NRG1: variants seen among roughly 807,000 people sequenced by gnomAD.
The protein encoded by NRG1 is pro-neuregulin-1, membrane-bound isoform.
In NRG1, 18 loss-of-function variants were observed where a neutral mutation model predicts 63.8. The ratio of observed to expected loss-of-function variants is 0.28; its 90% CI spans 0.19 to 0.42. NRG1 has a LOEUF of 0.42. NRG1 is among the 10% of genes least tolerant of loss of function. The probability of loss-of-function intolerance (pLI) is 1.00; values close to 1 mark genes in which losing one functional copy is unlikely to be tolerated. For missense variants in NRG1, 762 were observed against 814.7 expected, an observed-to-expected ratio of 0.94 and a Z score of 0.79; for synonymous variants, 302 against 301.3, an observed-to-expected ratio of 1.00 and a Z score of -0.02.
intron 1 of NRG1, among the ~76,000 whole-genome samples, chr8:31,843,472 G>C (rs1563471227): frequency 6.6e-6 from 1 of 152,114 alleles, no homozygotes. Flanking sequence ...TCTCCTATAA[G>C]GCTGTCTTTT....
intron 1 of NRG1, among the ~76,000 whole-genome samples, chr8:32,368,947 C>T (rs1267081446): frequency 6.6e-6 from 1 of 152,200 alleles, no homozygotes; most frequent in African/African-American, 2.4e-5. Context: ...TCTCTATACA[C>T]CTGTAACATG....
In NRG1 at chr8:32,699,285, C is replaced by CT. The variant is rs528877541; in HGVS notation, c.503-28662dup. ...AATTAAGTAATCATTAAAAATGAAACTTGTCTACTTCCTCCTGTTCTGTAG... is the reference window on the plus strand; with the variant it reads ...AATTAAGTAATCATTAAAAATGAAACTTTGTCTACTTCCTCCTGTTCTGTAG... On this transcript the variant is annotated intron_variant, in intron 5 of 11. Coordinates refer to ENST00000356819, the Ensembl canonical transcript of NRG1. Among the ~76,000 whole-genome samples, 205 of 152,274 alleles carry CT rather than the reference C, an allele frequency of 1.3e-3. 1 individual carries two copies. The highest frequency in any genetic ancestry group is 4.7e-3 in the African/African-American group (195 of 41,538).
intron 1 of NRG1, among the ~76,000 whole-genome samples, chr8:32,065,140 A>C (rs1249984642): frequency 2.6e-5 from 4 of 151,934 alleles, no homozygotes; most frequent in African/African-American, 9.7e-5. Flanking sequence ...TACAGAAAAA[A>C]AAAAAGTGCT....
chr8:32,444,387 A>C (rs1819974350), intron 1 of NRG1, among the ~76,000 whole-genome samples: 1 of 152,116 alleles, frequency 6.6e-6, no homozygotes, highest in Non-Finnish European at 1.5e-5. Context: ...CAGTCCTCCC[A>C]CTGCAACCTC....
Position 31,640,468 on chromosome 8 carries a change from G to A in NRG1, c.37+1037G>A. 1 of 1,596,626 alleles carries A rather than the reference G, an allele frequency of 6.3e-7. No homozygotes were observed. Among genetic ancestry groups the A allele is most frequent in the Non-Finnish European group, 8.5e-7 (1 of 1,173,044 alleles). On this transcript the variant is annotated intron_variant, in intron 1 of 10. Coordinates refer to the NRG1 transcript ENST00000519301. The surrounding 1 kb of genome is among the most constrained non-coding windows in gnomAD (Gnocchi z 6.3). Reference sequence around the variant, plus strand: ...GCCCGGGGAGGAGGCGCCCTATCTGGTGAAGGTGCACCAGGTGTGGGCGGT... The same window carrying A: ...GCCCGGGGAGGAGGCGCCCTATCTGATGAAGGTGCACCAGGTGTGGGCGGT...
chr8:31,790,612 T>C (rs930710958), intron 1 of NRG1, among the ~76,000 whole-genome samples: 1 of 152,224 alleles, frequency 6.6e-6, no homozygotes, highest in African/African-American at 2.4e-5. Context: ...TCTGTAGCTC[T>C]GTTAGGAGGG....
intron 1 of NRG1, among the ~76,000 whole-genome samples, chr8:31,855,143 C>G (rs1827715800): frequency 6.6e-6 from 1 of 152,030 alleles, no homozygotes; most frequent in South Asian, 2.1e-4. Context: ...TGGTGCAGAG[C>G]TGAGTTCAAT....
At chr8:31,644,382 G>A (rs909131713) in intron 1 of NRG1, among the ~76,000 whole-genome samples, 1 of 152,150 alleles carries the variant, frequency 6.6e-6, no homozygotes, top group African/African-American at 2.4e-5. Context: ...GGTCATTTGG[G>A]AGAAGAACTC....
chr8:32,647,374 G>A (rs1853831597), intron 5 of NRG1: 1 of 985,168 alleles, frequency 1.0e-6, no homozygotes, highest in South Asian at 4.7e-5. Context: ...TTCAGTTTGG[G>A]CTACTGGTTT....
chr8:31,956,693 T>G (rs1378069161), intron 1 of NRG1, among the ~76,000 whole-genome samples: 1 of 152,238 alleles, frequency 6.6e-6, no homozygotes, highest in African/African-American at 2.4e-5. Context: ...CAAATATTTT[T>G]CATATAACAT....
At chr8:32,043,406 A>G (rs1820409628) in intron 1 of NRG1, among the ~76,000 whole-genome samples, 1 of 152,168 alleles carries the variant, frequency 6.6e-6, no homozygotes, top group Non-Finnish European at 1.5e-5. Flanking sequence ...ATAAGACAAA[A>G]CAAAACAAAA....
chr8:32,450,199 C>T (rs1156993099), intron 1 of NRG1, among the ~76,000 whole-genome samples: 1 of 152,140 alleles, frequency 6.6e-6, no homozygotes, highest in Admixed American at 6.5e-5. Flanking sequence ...TTACATATTT[C>T]ATCTCCTTTA....
chr8:31,787,544 G>A (rs1234366949), intron 1 of NRG1, among the ~76,000 whole-genome samples: 1 of 152,136 alleles, frequency 6.6e-6, no homozygotes, highest in Non-Finnish European at 1.5e-5. Context: ...AATGAGTTTG[G>A]CAAACCTAGA....
At chr8:32,094,913 ATTT>A (rs35516200) in intron 1 of NRG1, among the ~76,000 whole-genome samples, 16 of 133,276 alleles carry the variant, frequency 1.2e-4, no homozygotes, top group Admixed American at 2.2e-4. Flanking sequence ...TAATTTCAGC[ATTT>A]TTTTTTTTTT....
At chr8:32,603,546 C>T (rs1844734703) in intron 2 of NRG1, among the ~76,000 whole-genome samples, 1 of 151,896 alleles carries the variant, frequency 6.6e-6, no homozygotes, top group Non-Finnish European at 1.5e-5. Flanking sequence ...GGTGTGGTCT[C>T]GGCTCACTGC....
rs763153871 is a variant in NRG1, at chr8:31,640,432, A to G, written c.37+1001A>G. 6.6e-7 allele frequency: 1 copy of G among 1,512,944 alleles called. No individual in the cohort carries two copies. The highest frequency in any genetic ancestry group is 8.8e-7 in the Non-Finnish European group (1 of 1,130,258). 93.7% of individuals were successfully genotyped at this position (1,512,944 alleles called of 1,614,324 possible). A position where few individuals can be genotyped will look rare whatever the true frequency, so the allele number is the denominator to read the frequency against. Reference sequence around the variant, plus strand: ...CTCTTGGCCCACCGCCCCGGTGCCCAGCGCCGGCGAGCCCGGGGAGGAGGC... The same window carrying G: ...CTCTTGGCCCACCGCCCCGGTGCCCGGCGCCGGCGAGCCCGGGGAGGAGGC... On this transcript the variant is annotated intron_variant, in intron 1 of 10. Coordinates refer to the NRG1 transcript ENST00000519301. This position sits in a 1 kb window ranked among gnomAD's most constrained non-coding sequence, Gnocchi z 6.3.
chr8:31,914,255 G>T (rs1456076454), intron 1 of NRG1, among the ~76,000 whole-genome samples: 2 of 151,554 alleles, frequency 1.3e-5, no homozygotes, highest in Non-Finnish European at 2.9e-5. Flanking sequence ...GCCTTAAAAC[G>T]CAAAGCATCA....
chr8:31,920,227 CTTGTACTGTTAG>C (rs1174550941), intron 1 of NRG1, among the ~76,000 whole-genome samples: 1 of 152,044 alleles, frequency 6.6e-6, no homozygotes, highest in African/African-American at 2.4e-5. Context: ...AATTGTGATA[CTTGTACTGTTAG>C]TTGCACTGTA....
intron 1 of NRG1, among the ~76,000 whole-genome samples, chr8:31,852,318 G>T (rs1364250705): frequency 6.7e-6 from 1 of 149,782 alleles, no homozygotes; most frequent in Non-Finnish European, 1.5e-5. Context: ...GTGTGAGATG[G>T]TATCTCATTG....
Sources: gnomAD v4.1 joint callset for allele counts (sites outside exome capture counted in the v4.1 genomes callset) on GRCh38, gnomAD v4.1.1 for gene constraint, Gnocchi (gnomAD v3.1) non-coding constraint, MANE v1.5 for transcripts, NCBI Gene and HGNC (gene_info 2026-07-23, HGNC 2026-07-21) for gene names.